The following FBXL18 variants were observed in gnomAD, a reference collection of about 807,000 sequenced individuals.
The protein encoded by FBXL18 is F-box and leucine rich repeat protein 18.
Under a neutral mutation model 46.0 loss-of-function variants are expected in FBXL18, and 36 were observed. The observed-to-expected ratio is 0.78, with a 90% CI of 0.60 to 1.03. The LOEUF is 1.03. FBXL18 is among the 50% of genes least tolerant of loss of function. The pLI, the probability that FBXL18 is intolerant of heterozygous loss-of-function variation, is 0.00. For missense variants in FBXL18, 977 were observed against 1,004.1 expected, an observed-to-expected ratio of 0.97 and a Z score of 0.36; for synonymous variants, 557 against 465.3, an observed-to-expected ratio of 1.20 and a Z score of -2.54.
chr7:5,475,291 C>T (rs557921397), downstream of FBXL18, among the ~76,000 whole-genome samples: 1 of 152,078 alleles, frequency 6.6e-6, no homozygotes, highest in Admixed American at 6.5e-5. The surrounding 1 kb of genome is among the most constrained non-coding windows in gnomAD (Gnocchi z 4.2). Flanking sequence ...TACTGCCCTC[C>T]AGCCTGGGCG....
At chr7:5,505,968 G>T (rs999251698) in intron 1 of FBXL18, among the ~76,000 whole-genome samples, 1 of 150,520 alleles carries the variant, frequency 6.6e-6, no homozygotes, top group Non-Finnish European at 1.5e-5. Context: ...AGGCTCAAGA[G>T]ATTCTCCTGC....
chr7:5,505,652 T>C, intron 1 of FBXL18, 22 bp from the exon 2 acceptor site: 1 of 1,602,112 alleles, frequency 6.2e-7, no homozygotes, highest in African/African-American at 1.3e-5. Context: ...GGGGACACCA[T>C]TCCCACAGGA....
chr7:5,504,912 T>C (rs1281077642), intron 2 of FBXL18, among the ~76,000 whole-genome samples: 11 of 37,630 alleles, frequency 2.9e-4, no homozygotes, highest in Non-Finnish European at 4.3e-4. Flanking sequence ...CGAGACTCCA[T>C]CTCAAAAAAA....
intron 4 of FBXL18, among the ~76,000 whole-genome samples, chr7:5,485,386 A>G (rs931608225): frequency 5.3e-5 from 8 of 152,206 alleles, no homozygotes; most frequent in Non-Finnish European, 1.0e-4. Context: ...GAGTTTGGGA[A>G]AAGTTAAGAT....
intron 3 of FBXL18, among the ~76,000 whole-genome samples, chr7:5,497,494 G>A (rs1414233485): frequency 6.6e-6 from 1 of 152,186 alleles, no homozygotes. Flanking sequence ...GTTTGATCCT[G>A]CGCTTCTCAA....
At chr7:5,482,602 G>A (rs1783677927) in intron 4 of FBXL18, among the ~76,000 whole-genome samples, 1 of 146,196 alleles carries the variant, frequency 6.8e-6, no homozygotes, top group Non-Finnish European at 1.5e-5. Flanking sequence ...ACGCTGCATT[G>A]AGCTCGACAG....
Position 5,492,438 on chromosome 7 carries a change from G to A in FBXL18, c.1782-989C>T, listed in dbSNP as rs537889430. Among the ~76,000 whole-genome samples, 8 of 151,580 alleles carry A rather than the reference G, an allele frequency of 5.3e-5. No individual in the cohort carries two copies. The East Asian group carries it at 1.2e-3, about 22-fold the overall frequency. On this transcript the variant is annotated intron_variant, in intron 3 of 4. Transcript: ENST00000382368. ...GCAGAGAGGCTGGAGGGGAACTCAC[G>A]TGACTTCAGGGGCTGCCAGGAACTC... is the stretch of plus-strand genomic sequence containing the variant.
In FBXL18 at chr7:5,463,704, ATTTATTTATT is replaced by A. The variant is rs1309970638; in HGVS notation, c.2001-15871_2001-15862del. ...CTTCATGCCCCTGAACTATATATATATTTATTTATTTATTTATTTATTTATTTTTTTTTTT... is the reference window on the plus strand; with the variant it reads ...CTTCATGCCCCTGAACTATATATATATATTTATTTATTTATTTTTTTTTTT... On this transcript the variant is annotated intron_variant and NMD_transcript_variant, in intron 4 of 6. Transcript: ENST00000415009. Among the ~76,000 whole-genome samples the A allele has an allele frequency of 1.4e-4, 6 of 43,964 alleles. 1 individual carries two copies. Among genetic ancestry groups the A allele is most frequent in the African/African-American group, 5.3e-4 (5 of 9,488 alleles). 28.8% of individuals were successfully genotyped at this position (43,964 alleles called of 152,430 possible).
chr7:5,483,053 AAAG>A (rs1451354187), intron 4 of FBXL18, among the ~76,000 whole-genome samples: 3 of 151,538 alleles, frequency 2.0e-5, no homozygotes, highest in Admixed American at 6.6e-5. Flanking sequence ...AAAAAAAGAA[AAAG>A]AAGAAGAAAA....
intron 4 of FBXL18, among the ~76,000 whole-genome samples, chr7:5,465,390 G>A (rs1348160462): frequency 1.3e-5 from 2 of 151,846 alleles, no homozygotes; most frequent in African/African-American, 4.8e-5. Flanking sequence ...TAGTCGAGAC[G>A]GGGTTTCACC....
intron 4 of FBXL18, among the ~76,000 whole-genome samples, chr7:5,458,074 TA>T (rs34956995): frequency 5.3e-4 from 76 of 144,610 alleles, no homozygotes; most frequent in African/African-American, 7.1e-4. Context: ...TTCACTTCCT[TA>T]AAAAAAAAAA....
At chr7:5,471,241 C>G (rs992059861), downstream of FBXL18, among the ~76,000 whole-genome samples, 2 of 152,204 alleles carry the variant, frequency 1.3e-5, no homozygotes, top group Non-Finnish European at 2.9e-5. Flanking sequence ...CTCTTCCGCC[C>G]TCCTCCAGCC....
At chr7:5,487,768 G>A (rs1038016720) in intron 4 of FBXL18, among the ~76,000 whole-genome samples, 2 of 152,152 alleles carry the variant, frequency 1.3e-5, no homozygotes, top group African/African-American at 2.4e-5. Context: ...CTGCGAACAC[G>A]GACGCCTCAA....
At chr7:5,483,356 C>T (rs1332512143) in intron 4 of FBXL18, among the ~76,000 whole-genome samples, 1 of 149,956 alleles carries the variant, frequency 6.7e-6, no homozygotes, top group Non-Finnish European at 1.5e-5. Flanking sequence ...CAGGAGAATC[C>T]CTTGAACCCA....
At chr7:5,508,125 G>A (rs1265820925) in intron 1 of FBXL18, among the ~76,000 whole-genome samples, 1 of 151,994 alleles carries the variant, frequency 6.6e-6, no homozygotes, top group Non-Finnish European at 1.5e-5. Context: ...AACTAGCCAG[G>A]CGTGGTGGCA....
At chr7:5,488,698 G>A (rs1783837155) in intron 4 of FBXL18, among the ~76,000 whole-genome samples, 1 of 152,224 alleles carries the variant, frequency 6.6e-6, no homozygotes, top group Non-Finnish European at 1.5e-5. Flanking sequence ...GCCTGTGAGT[G>A]GAGCCCAGCC....
chr7:5,479,690 G>T lies in FBXL18; in HGVS notation c.*2085C>A, dbSNP rs1783594944. On this transcript the variant is annotated 3_prime_UTR_variant, in exon 5 of 5. Transcript: ENST00000382368. ...TAGGGGTGTGGCTCTCACAGGCCAT[G>T]ACAGGAGGGCCAGGAGGCCTCTGGG... The T allele has an allele frequency of 6.6e-6, 1 of 152,552 alleles. No homozygotes were observed. The highest frequency in any genetic ancestry group is 2.1e-4 in the South Asian group (1 of 4,838). 9.4% of individuals were successfully genotyped at this position (152,552 alleles called of 1,614,324 possible).
At chr7:5,513,616 C>T (rs1230582445) in intron 1 of FBXL18, 41 bp downstream of exon 1, 1 of 1,610,016 alleles carries the variant, frequency 6.2e-7, no homozygotes, top group Non-Finnish European at 8.5e-7. Flanking sequence ...AGACCGAGGC[C>T]GCCGAGGCAG....
At chr7:5,498,967 G>A (rs532327908) in intron 3 of FBXL18, among the ~76,000 whole-genome samples, 1 of 152,180 alleles carries the variant, frequency 6.6e-6, no homozygotes, top group Admixed American at 6.6e-5. Context: ...TACTAGGAAC[G>A]GACAAGAACA....
Sources: gnomAD v4.1 joint callset for allele counts (sites outside exome capture counted in the v4.1 genomes callset) on GRCh38, gnomAD v4.1.1 for gene constraint, Gnocchi (gnomAD v3.1) non-coding constraint, MANE v1.5 for transcripts, NCBI Gene and HGNC (gene_info 2026-07-23, HGNC 2026-07-21) for gene names.